The following CADPS2 variants were observed in gnomAD, a reference collection of about 807,000 sequenced individuals.
The protein encoded by CADPS2 is calcium dependent secretion activator 2, also known as calcium-dependent secretion activator 2.
In CADPS2, 93 loss-of-function variants were observed where a neutral mutation model predicts 172.5. The ratio of observed to expected loss-of-function variants is 0.54; its 90% CI spans 0.46 to 0.64. The LOEUF (loss-of-function observed/expected upper bound fraction) is 0.64, where lower values mean the gene tolerates loss of function less well. Ranked by LOEUF, CADPS2 falls within the 30% of genes least tolerant of loss-of-function variation. The pLI, the probability that CADPS2 is intolerant of heterozygous loss-of-function variation, is 0.00. For synonymous variants in CADPS2, 546 were observed against 555.2 expected (o/e 0.98, Z 0.23); for missense variants, 1,420 against 1,565.9 (o/e 0.91, Z 1.57).
In CADPS2 at chr7:122,422,148, A is replaced by T. The variant is rs545837142; in HGVS notation, c.2477-5984T>A. 3 of 152,416 alleles carry T rather than the reference A, an allele frequency of 2.0e-5. No homozygotes were observed. In the East Asian group the frequency reaches 5.8e-4, roughly 29 times the overall value. The allele number at this position is 152,416 out of a possible 1,614,324, so 9.4% of individuals were successfully genotyped here. A position where few individuals can be genotyped will look rare whatever the true frequency, so the allele number is the denominator to read the frequency against. ...GTGTGGAAAAAGGGAGAAAATGGGA[A>T]AATATCTACTATCTAGTGAAACAAG... On this transcript the variant is annotated intron_variant, in intron 17 of 29. Coordinates refer to ENST00000449022, the MANE Select transcript of CADPS2 (RefSeq NM_017954.11).
chr7:122,343,263 T>C (rs1317360455), intron 28 of CADPS2, among the ~76,000 whole-genome samples: 2 of 152,170 alleles, frequency 1.3e-5, no homozygotes, highest in African/African-American at 4.8e-5. Context: ...ACAAGTCCAG[T>C]GTTCTACCGG....
chr7:122,849,528 T>G (rs561105002), intron 1 of CADPS2, among the ~76,000 whole-genome samples: 36 of 152,304 alleles, frequency 2.4e-4, no homozygotes, highest in African/African-American at 8.2e-4. Flanking sequence ...GGTCCCCAGC[T>G]GTCCGCAACA....
intron 11 of CADPS2, among the ~76,000 whole-genome samples, chr7:122,482,657 C>CT (rs1431515705): frequency 6.6e-6 from 1 of 152,152 alleles, no homozygotes; most frequent in Non-Finnish European, 1.5e-5. Flanking sequence ...GTGAGCCTTA[C>CT]AGTCACTCCA....
Position 122,518,840 on chromosome 7 carries a change from C to G in CADPS2, c.1476-5525G>C, listed in dbSNP as rs2130968594. Among the ~76,000 whole-genome samples, 4 of 152,096 alleles carry G rather than the reference C, an allele frequency of 2.6e-5. No individual in the cohort carries two copies. In the South Asian group the frequency reaches 8.3e-4, roughly 32 times the overall value. ...TCACACAGCATGAGAGAAGCATTTT[C>G]TAATGAGTACTGTGAATTTTTTTCA... On this transcript the variant is annotated intron_variant, in intron 8 of 29. Coordinates refer to ENST00000449022, the MANE Select transcript of CADPS2 (RefSeq NM_017954.11).
At chr7:122,742,592 T>A (rs2092542970) in intron 1 of CADPS2, among the ~76,000 whole-genome samples, 1 of 152,118 alleles carries the variant, frequency 6.6e-6, no homozygotes, top group Non-Finnish European at 1.5e-5. Context: ...CTTCCCACAT[T>A]CTAAGCATTC....
intron 1 of CADPS2, among the ~76,000 whole-genome samples, chr7:122,832,866 G>C (rs150465939): frequency 2.0e-5 from 3 of 152,286 alleles, no homozygotes; most frequent in African/African-American, 7.2e-5. Flanking sequence ...GAGAATGAGA[G>C]ACTGCTGGCT....
chr7:122,829,927 A>T (rs1277533470), intron 1 of CADPS2, among the ~76,000 whole-genome samples: 1 of 152,214 alleles, frequency 6.6e-6, no homozygotes, highest in Non-Finnish European at 1.5e-5. Flanking sequence ...TGTGATGTCC[A>T]GTAAGAAGAG....
At chr7:122,512,876 T>C (rs2060102333) in intron 9 of CADPS2, among the ~76,000 whole-genome samples, 1 of 152,140 alleles carries the variant, frequency 6.6e-6, no homozygotes, top group Admixed American at 6.6e-5. Context: ...TCAGAAGTTA[T>C]TTGTCTTTTT....
chr7:122,860,418 A>G (rs1816634445), intron 1 of CADPS2, among the ~76,000 whole-genome samples: 1 of 152,128 alleles, frequency 6.6e-6, no homozygotes, highest in South Asian at 2.1e-4. Context: ...ATCTTTTTGT[A>G]GAGGCAGGGT....
chr7:122,358,299 C>G (rs2039684550), intron 27 of CADPS2, among the ~76,000 whole-genome samples: 1 of 151,956 alleles, frequency 6.6e-6, no homozygotes, highest in East Asian at 1.9e-4. Flanking sequence ...GGATCTTTTG[C>G]CCATTTAAAA....
chr7:122,409,406 GTCT>G (rs72404042), intron 19 of CADPS2, among the ~76,000 whole-genome samples: 2,643 of 151,998 alleles, frequency 0.017, 42 homozygotes, highest in East Asian at 0.038. Flanking sequence ...ATTCCTAAAG[GTCT>G]TCTTAAAGTT....
intron 2 of CADPS2, among the ~76,000 whole-genome samples, chr7:122,703,183 T>C (rs1179868154): frequency 6.6e-6 from 1 of 152,168 alleles, no homozygotes; most frequent in Non-Finnish European, 1.5e-5. Flanking sequence ...TCTTCCTTAG[T>C]TCTGGAGAGA....
intron 3 of CADPS2, among the ~76,000 whole-genome samples, chr7:122,648,875 T>G (rs2078840228): frequency 6.6e-6 from 1 of 151,956 alleles, no homozygotes; most frequent in Non-Finnish European, 1.5e-5. Flanking sequence ...AAGCAAAAGA[T>G]CTACAGCAGA....
At chr7:122,540,203 T>C (rs1382151273) in intron 8 of CADPS2, among the ~76,000 whole-genome samples, 1 of 152,082 alleles carries the variant, frequency 6.6e-6, no homozygotes, top group Non-Finnish European at 1.5e-5. Flanking sequence ...TTGGCATCAT[T>C]TACAAAAGAA....
chr7:122,545,537 A>C (rs1427811814), intron 8 of CADPS2, among the ~76,000 whole-genome samples: 1 of 151,958 alleles, frequency 6.6e-6, no homozygotes, highest in Non-Finnish European at 1.5e-5. Context: ...GCACTTGGGA[A>C]GCAACTGAAT....
chr7:122,635,225 T>C (rs1281892713), intron 3 of CADPS2, among the ~76,000 whole-genome samples: 1 of 152,166 alleles, frequency 6.6e-6, no homozygotes, highest in African/African-American at 2.4e-5. Context: ...GATGATCTAA[T>C]GCTGTCAGTG....
chr7:122,622,098 T>A (rs905305182), intron 4 of CADPS2, among the ~76,000 whole-genome samples: 2 of 152,198 alleles, frequency 1.3e-5, no homozygotes, highest in African/African-American at 4.8e-5. Context: ...TATAAAAAAA[T>A]GTTCAGGACA....
chr7:122,442,512 C>A (rs2051490063), intron 15 of CADPS2, among the ~76,000 whole-genome samples: 1 of 152,124 alleles, frequency 6.6e-6, no homozygotes, highest in African/African-American at 2.4e-5. Context: ...ATCTCCATGT[C>A]ATTTTGCATA....
chr7:122,498,759 G>GT (rs1167041184), intron 9 of CADPS2, among the ~76,000 whole-genome samples: 6 of 151,792 alleles, frequency 4.0e-5, no homozygotes, highest in South Asian at 2.1e-4. Context: ...TTTTGTTATT[G>GT]TTTTTTATTA....
Sources: allele counts gnomAD v4.1 joint callset (sites outside exome capture counted in the v4.1 genomes callset), GRCh38; gene constraint gnomAD v4.1.1; transcripts MANE v1.5; gene names NCBI Gene and HGNC (gene_info 2026-07-23, HGNC 2026-07-21).